BLTP2: variants seen among roughly 807,000 people sequenced by gnomAD.
The protein encoded by BLTP2 is bridge-like lipid transfer protein family member 2, also known as U937-associated antigen.
chr17:28,631,094 T>G, the BLTP2 span, among the ~76,000 whole-genome samples: 1 of 152,236 alleles, frequency 6.6e-6, no homozygotes, highest in Admixed American at 6.5e-5. Flanking sequence ...ATTCATATGT[T>G]GAAGTCCTAA....
chr17:28,645,077 G>C, the BLTP2 span: 1 of 1,568,746 alleles, frequency 6.4e-7, no homozygotes. Flanking sequence ...GTCCGGCCCG[G>C]CTTGGCCCCG....
the BLTP2 span, chr17:28,640,513 A>G: frequency 6.2e-7 from 1 of 1,607,152 alleles, no homozygotes; most frequent in Non-Finnish European, 8.5e-7. Context: ...ACCAACATAC[A>G]GCTCCCACTA....
At chr17:28,616,057 T>C in the BLTP2 span, 11 of 1,514,888 alleles carry the variant, frequency 7.3e-6, no homozygotes, top group South Asian at 1.2e-4. The surrounding 1 kb of genome is among the most constrained non-coding windows in gnomAD (Gnocchi z 4.8). Flanking sequence ...TCTGGTTCCC[T>C]TCCCACCCTG....
chr17:28,620,410 C>T, the BLTP2 span: 2 of 1,390,172 alleles, frequency 1.4e-6, no homozygotes, highest in East Asian at 4.6e-5. Flanking sequence ...GGCCCTTTTT[C>T]AGTGTGAAGC....
At chr17:28,623,051 G>A in the BLTP2 span, among the ~76,000 whole-genome samples, 1 of 151,952 alleles carries the variant, frequency 6.6e-6, no homozygotes, top group East Asian at 1.9e-4. Context: ...CTCCAGCCTG[G>A]GCTACAGAGC....
At chr17:28,634,697 G>A in the BLTP2 span, 1 of 1,614,198 alleles carries the variant, frequency 6.2e-7, no homozygotes, top group Non-Finnish European at 8.5e-7. Context: ...CTCCAAGTAA[G>A]CAGTGCCCGG....
chr17:28,617,937 T>C, the BLTP2 span, among the ~76,000 whole-genome samples: 19,481 of 148,426 alleles, frequency 0.13, 1,574 homozygotes, highest in East Asian at 0.18. Context: ...TTTTCTTTTT[T>C]TTTTTTTTTT....
chr17:28,632,863 A>G, the BLTP2 span: 2 of 1,078,722 alleles, frequency 1.9e-6, no homozygotes, highest in African/African-American at 3.2e-5. Context: ...CCCTCCCCAG[A>G]GGGTCAAGCT....
At chr17:28,642,314 T>A in the BLTP2 span, 2 of 1,614,070 alleles carry the variant, frequency 1.2e-6, no homozygotes, top group Non-Finnish European at 1.7e-6. Flanking sequence ...TGATCTTACA[T>A]AAGCTCACCT....
chr17:28,643,953 A>T, the BLTP2 span: 1 of 1,387,220 alleles, frequency 7.2e-7, no homozygotes, highest in Non-Finnish European at 9.9e-7. Context: ...GGCTGGGATT[A>T]ACTAGAAAAG....
At chr17:28,643,393 A>G in the BLTP2 span, 2 of 1,555,106 alleles carry the variant, frequency 1.3e-6, no homozygotes, top group Non-Finnish European at 1.8e-6. Context: ...TCACTTTCTC[A>G]TCCTTCCTAG....
the BLTP2 span, chr17:28,634,907 A>G: frequency 4.3e-6 from 7 of 1,613,938 alleles, no homozygotes; most frequent in Non-Finnish European, 5.1e-6. Context: ...ATCAGCTCGT[A>G]GTTATCATGA....
At chr17:28,629,492 T>A in the BLTP2 span, among the ~76,000 whole-genome samples, 1 of 152,114 alleles carries the variant, frequency 6.6e-6, no homozygotes, top group African/African-American at 2.4e-5. Flanking sequence ...TTATTTATTT[T>A]TTGGAAACAG....
At chr17:28,638,544 C>T in the BLTP2 span, 1 of 1,611,690 alleles carries the variant, frequency 6.2e-7, no homozygotes, top group Non-Finnish European at 8.5e-7. Flanking sequence ...AGAATTGAAT[C>T]CCAAGGCAAA....
chr17:28,642,119 T>A, the BLTP2 span: 1 of 1,603,184 alleles, frequency 6.2e-7, no homozygotes, highest in Non-Finnish European at 8.5e-7. Flanking sequence ...GTAAGAAAGT[T>A]TGGAAGTTTT....
At chr17:28,637,175 C>T in the BLTP2 span, 5 of 1,613,490 alleles carry the variant, frequency 3.1e-6, no homozygotes, top group East Asian at 1.1e-4. Context: ...AAGCACCTAA[C>T]AACCAGAAAC....
At chr17:28,617,104 G>T in the BLTP2 span, 1 of 1,166,710 alleles carries the variant, frequency 8.6e-7, no homozygotes, top group Non-Finnish European at 1.3e-6. Flanking sequence ...GTACTGCTAA[G>T]CTGGGCAAGC....
At chr17:28,620,627 G>A in the BLTP2 span, 5 of 1,613,162 alleles carry the variant, frequency 3.1e-6, no homozygotes, top group African/African-American at 1.3e-5. Flanking sequence ...GGTATCCACA[G>A]CCCCTAGATA....
the BLTP2 span, chr17:28,624,383 G>T: frequency 5.0e-6 from 8 of 1,612,224 alleles, no homozygotes; most frequent in Non-Finnish European, 6.8e-6. Context: ...TCTGCAACAT[G>T]TAAGCACCTG....
Sources: gnomAD v4.1 joint callset for allele counts (sites outside exome capture counted in the v4.1 genomes callset) on GRCh38, gnomAD v4.1.1 for gene constraint, Gnocchi (gnomAD v3.1) non-coding constraint, MANE v1.5 for transcripts, NCBI Gene and HGNC (gene_info 2026-07-23, HGNC 2026-07-21) for gene names.